Variants in LRRC8C observed in about 807,000 individuals in gnomAD.
LRRC8C encodes leucine rich repeat containing 8 VRAC subunit C.
A neutral mutation model predicts 55.3 loss-of-function variants in LRRC8C; 20 were observed. That is an observed-to-expected ratio of 0.36 (90% CI 0.25 to 0.53). The LOEUF is 0.53. LRRC8C is among the 20% of genes least tolerant of loss of function. The pLI is 0.92. For synonymous variants in LRRC8C, 376 were observed against 360.7 expected (o/e 1.04, Z -0.48); for missense variants, 659 against 951.4 (o/e 0.69, Z 4.04).
At chr1:89,638,396 A>G (rs1401937445) in intron 1 of LRRC8C, among the ~76,000 whole-genome samples, 2 of 151,746 alleles carry the variant, frequency 1.3e-5, no homozygotes, top group Non-Finnish European at 2.9e-5. Context: ...ATGTACTGTG[A>G]CTCTTCAGTG....
At chr1:89,646,334 A>G (rs1656614678) in intron 1 of LRRC8C, among the ~76,000 whole-genome samples, 2 of 152,150 alleles carry the variant, frequency 1.3e-5, no homozygotes, top group Admixed American at 1.3e-4. Flanking sequence ...CTATATGCCA[A>G]TACATTTGAC....
intron 2 of LRRC8C, among the ~76,000 whole-genome samples, chr1:89,705,565 A>G (rs1454244100): frequency 6.6e-6 from 1 of 152,014 alleles, no homozygotes; most frequent in Non-Finnish European, 1.5e-5. Flanking sequence ...GATCGTTTTG[A>G]GCACAGGAGT....
rs372142506 is a variant in LRRC8C, at chr1:89,692,716, A to G, written c.138+6105A>G. Among the ~76,000 whole-genome samples, 36 of 152,354 alleles carry G rather than the reference A, an allele frequency of 2.4e-4. 2 individuals are homozygous for G. The East Asian group carries it at 6.2e-3, about 26-fold the overall frequency. On this transcript the variant is annotated intron_variant, in intron 2 of 2. Coordinates refer to ENST00000370454, the MANE Select transcript of LRRC8C (RefSeq NM_032270.5). Reference sequence around the variant, plus strand: ...TCACTATAAGCCAGGAGAGTGTAGGAGTATATGTGTCTGTCCTATTCCTGT... The same window carrying G: ...TCACTATAAGCCAGGAGAGTGTAGGGGTATATGTGTCTGTCCTATTCCTGT...
intron 1 of LRRC8C, among the ~76,000 whole-genome samples, chr1:89,647,729 T>G (rs1656653731): frequency 6.6e-6 from 1 of 152,196 alleles, no homozygotes; most frequent in Non-Finnish European, 1.5e-5. Flanking sequence ...AAACTTAATT[T>G]TATCTCAAAA....
At chr1:89,662,122 A>C (rs1657138418) in intron 1 of LRRC8C, among the ~76,000 whole-genome samples, 1 of 152,198 alleles carries the variant, frequency 6.6e-6, no homozygotes, top group Non-Finnish European at 1.5e-5. Flanking sequence ...GGCCACACAT[A>C]AAATACATTA....
intron 1 of LRRC8C, among the ~76,000 whole-genome samples, chr1:89,683,434 T>C (rs923103325): frequency 4.6e-5 from 7 of 150,672 alleles, no homozygotes; most frequent in Non-Finnish European, 1.0e-4. Context: ...CTCGGCTCAC[T>C]GCAACCTTCG....
intron 1 of LRRC8C, among the ~76,000 whole-genome samples, chr1:89,679,327 G>A (rs1657637551): frequency 6.6e-6 from 1 of 152,172 alleles, no homozygotes; most frequent in South Asian, 2.1e-4. Context: ...GCCAAGGTGG[G>A]TGGATCACTT....
chr1:89,665,057 CA>C (rs1486432535), intron 1 of LRRC8C, among the ~76,000 whole-genome samples: 1 of 152,168 alleles, frequency 6.6e-6, no homozygotes, highest in Non-Finnish European at 1.5e-5. Context: ...TCTAAATATA[CA>C]ATCATGTCAT....
At chr1:89,623,461 G>A in the LRRC8C span, among the ~76,000 whole-genome samples, 12 of 152,234 alleles carry the variant, frequency 7.9e-5, no homozygotes, top group East Asian at 1.9e-3. Flanking sequence ...AGTGGCTCAC[G>A]CCTGTAATCC....
chr1:89,622,396 G>A, the LRRC8C span, among the ~76,000 whole-genome samples: 4 of 151,070 alleles, frequency 2.6e-5, no homozygotes, highest in Non-Finnish European at 4.4e-5. Context: ...GCAGTGGCGC[G>A]ATCTCGGCTC....
upstream of LRRC8C, among the ~76,000 whole-genome samples, chr1:89,630,551 T>A (rs1300259325): frequency 6.6e-6 from 1 of 152,170 alleles, no homozygotes; most frequent in Non-Finnish European, 1.5e-5. Context: ...GGGTATAAAG[T>A]GAAAGGTCAA....
intron 1 of LRRC8C, among the ~76,000 whole-genome samples, chr1:89,653,123 A>C (rs765553395): frequency 2.0e-4 from 31 of 152,198 alleles, no homozygotes; most frequent in Admixed American, 3.3e-4. Context: ...TGCGTTTTCA[A>C]AGGATCACTC....
At chr1:89,643,900 T>G (rs1656540964) in intron 1 of LRRC8C, among the ~76,000 whole-genome samples, 1 of 152,222 alleles carries the variant, frequency 6.6e-6, no homozygotes, top group African/African-American at 2.4e-5. Flanking sequence ...ATCAAACATT[T>G]GAATTTTGAT....
At chr1:89,643,285 G>T (rs1326672649) in intron 1 of LRRC8C, among the ~76,000 whole-genome samples, 7 of 152,174 alleles carry the variant, frequency 4.6e-5, no homozygotes, top group Non-Finnish European at 8.8e-5. Flanking sequence ...GTTTCATCAT[G>T]TTGCCCAAGC....
At chr1:89,697,853 A>G (rs1658218722) in intron 2 of LRRC8C, among the ~76,000 whole-genome samples, 1 of 152,180 alleles carries the variant, frequency 6.6e-6, no homozygotes, top group Non-Finnish European at 1.5e-5. Context: ...AAAAAAAACA[A>G]TGTGGATACA....
intron 1 of LRRC8C, among the ~76,000 whole-genome samples, chr1:89,666,415 A>G (rs1415923067): frequency 6.6e-6 from 1 of 152,052 alleles, no homozygotes; most frequent in Non-Finnish European, 1.5e-5. Context: ...TAACAAAAAT[A>G]TATATATATA....
At chr1:89,709,752 T>TTTTTTTTTTTGTTTGAGACGGAG (rs1557669280) in intron 2 of LRRC8C, among the ~76,000 whole-genome samples, 2 of 26,708 alleles carry the variant, frequency 7.5e-5, no homozygotes, top group Non-Finnish European at 1.8e-4. Flanking sequence ...TTTTTTTTTG[T>TTTTTTTTTTTGTTTGAGACGGAG]TTGTTTTTTT....
intron 2 of LRRC8C, among the ~76,000 whole-genome samples, chr1:89,692,239 G>A (rs186895439): frequency 6.6e-6 from 1 of 152,168 alleles, no homozygotes; most frequent in Non-Finnish European, 1.5e-5. Context: ...AATTGAAAGT[G>A]TATCATTCTT....
chr1:89,661,077 G>T (rs1159230942), intron 1 of LRRC8C: 2 of 165,522 alleles, frequency 1.2e-5, no homozygotes, highest in African/African-American at 4.8e-5. Flanking sequence ...TTACTAATCA[G>T]TGCAATCGCC....
Sources: allele counts gnomAD v4.1 joint callset (sites outside exome capture counted in the v4.1 genomes callset), GRCh38; gene constraint gnomAD v4.1.1; transcripts MANE v1.5; gene names NCBI Gene and HGNC (gene_info 2026-07-23, HGNC 2026-07-21).